The following ZNF670 variants were observed in gnomAD, a reference collection of about 807,000 sequenced individuals.
The protein encoded by ZNF670 is zinc finger protein 670.
ZNF670 carries 7 observed loss-of-function variants against 10.9 expected under a neutral mutation model. That is an observed-to-expected ratio of 0.64 (90% CI 0.36 to 1.20). ZNF670 has a LOEUF of 1.20. Among genes scored for constraint, ZNF670 ranks in the 50% most tolerant of loss-of-function variants. The probability of loss-of-function intolerance (pLI) is 0.02; values close to 1 mark genes in which losing one functional copy is unlikely to be tolerated. For missense variants in ZNF670, 446 were observed against 458.6 expected (o/e 0.97, Z 0.25); for synonymous variants, 136 against 152.7 (o/e 0.89, Z 0.81).
chr1:247,071,534 G>C (rs953990812), intron 1 of ZNF670, among the ~76,000 whole-genome samples: 6 of 152,150 alleles, frequency 3.9e-5, no homozygotes, highest in Non-Finnish European at 7.3e-5. Flanking sequence ...TCACCACCTG[G>C]GTGATAAAAT....
intron 1 of ZNF670, chr1:247,042,796 A>G: frequency 2.1e-6 from 1 of 481,760 alleles, no homozygotes; most frequent in South Asian, 2.4e-5. Context: ...GTTCCATGAA[A>G]ATGTCTGACC....
intron 1 of ZNF670, chr1:247,043,532 G>A: frequency 1.5e-6 from 1 of 672,040 alleles, no homozygotes; most frequent in South Asian, 1.4e-5. Context: ...CCTTGTTCCT[G>A]AAACAATTCA....
At chr1:247,062,769 A>T (rs893630075) in intron 1 of ZNF670, among the ~76,000 whole-genome samples, 4 of 152,216 alleles carry the variant, frequency 2.6e-5, no homozygotes, top group African/African-American at 9.6e-5. Flanking sequence ...ATTTTAGATG[A>T]AGGGTCTATC....
intron 1 of ZNF670, among the ~76,000 whole-genome samples, chr1:247,072,843 T>TACACAC (rs1553323588): frequency 3.5e-5 from 3 of 85,814 alleles, no homozygotes; most frequent in African/African-American, 9.9e-5. Context: ...TATATATGCA[T>TACACAC]ACACACACAT....
rs757707785 is a variant in ZNF670 at position 247,039,504 on chromosome 1, A to C, written c.37T>G (p.Phe13Val). The C allele has an allele frequency of 6.2e-7, 1 of 1,603,296 alleles. No homozygotes were observed. The highest frequency in any genetic ancestry group is 8.5e-7 in the Non-Finnish European group (1 of 1,175,794). The part of the protein sequence containing the change: ...SVSFEDVAVA[F>V]TQEEWALLDP... ...AGCAAAGCCCACTCCTCCTGAGTAA[A>C]GGCCACAGCCACATCTTCAAATGAC... The change falls in exon 2 of 4, where the codon TTT (phenylalanine) becomes GTT (valine). Residue 13 changes from phenylalanine to valine, a missense_variant. By Grantham distance (50) the Phe-to-Val change is conservative. Coordinates refer to ENST00000366503, the MANE Select transcript of ZNF670 (RefSeq NM_033213.5).
intron 1 of ZNF670, among the ~76,000 whole-genome samples, chr1:247,073,743 C>T (rs1167341874): frequency 4.6e-5 from 7 of 152,182 alleles, no homozygotes; most frequent in Non-Finnish European, 1.0e-4. Flanking sequence ...CCCATAAGCT[C>T]ACAGATCAGT....
rs527429552 is a variant in ZNF670 at position 247,053,448 on chromosome 1, A to G, written c.4-13911T>C. On this transcript the variant is annotated intron_variant, in intron 1 of 3. Coordinates refer to ENST00000366503, the MANE Select transcript of ZNF670 (RefSeq NM_033213.5). ...GAGATAAGAGACCATCCTGGCTAAC[A>G]TGGTGAAACCCCATCTTTACTAAAA... Among the ~76,000 whole-genome samples, 212 of 152,328 alleles carry G rather than the reference A, an allele frequency of 1.4e-3. 2 individuals carry two copies. The highest frequency in any genetic ancestry group is 4.8e-3 in the African/African-American group (200 of 41,574).
chr1:247,068,133 C>T (rs1240028933), intron 1 of ZNF670, among the ~76,000 whole-genome samples: 1 of 150,152 alleles, frequency 6.7e-6, no homozygotes, highest in East Asian at 1.9e-4. Flanking sequence ...GCCTGGCCAA[C>T]ATGGTGAAAC....
chr1:247,060,415 G>C (rs185969250), intron 1 of ZNF670, among the ~76,000 whole-genome samples: 1 of 152,140 alleles, frequency 6.6e-6, no homozygotes, highest in Non-Finnish European at 1.5e-5. Flanking sequence ...ACATCCATAC[G>C]CAAGGAAATA....
At position 247,069,096 on chromosome 1, in the gene ZNF670, A is replaced by C. The variant is rs559679704; in HGVS notation, c.3+9498T>G. On this transcript the variant is annotated intron_variant, in intron 1 of 3. Transcript: ENST00000366503. ...TGGCTGACAAAAAAAAAATACTTAGAAAGAATAAAAAAGACATACTATTTG... is the reference window on the plus strand; with the variant it reads ...TGGCTGACAAAAAAAAAATACTTAGCAAGAATAAAAAAGACATACTATTTG... Among the ~76,000 whole-genome samples the C allele has an allele frequency of 5.1e-4, 77 of 151,050 alleles. 3 individuals carry two copies. The highest frequency in any genetic ancestry group is 1.9e-3 in the African/African-American group (75 of 40,374).
intron 1 of ZNF670, among the ~76,000 whole-genome samples, chr1:247,041,415 A>ACCT (rs1281439287): frequency 6.6e-6 from 1 of 152,244 alleles, no homozygotes; most frequent in Non-Finnish European, 1.5e-5. Flanking sequence ...AAAGAAGATG[A>ACCT]AAGACCACCT....
At chr1:247,069,071 T>C (rs776357850) in intron 1 of ZNF670, among the ~76,000 whole-genome samples, 1 of 138,338 alleles carries the variant, frequency 7.2e-6, no homozygotes, top group Non-Finnish European at 1.5e-5. Context: ...AGACAGTTAA[T>C]GGCTGACAAA....
Position 247,036,533 on chromosome 1 carries a change from G to GT in ZNF670, c.*915dup, listed in dbSNP as rs1443013968. Among the ~76,000 whole-genome samples, 2 of 152,128 alleles carry GT rather than the reference G, an allele frequency of 1.3e-5. No individual in the cohort carries two copies. The highest frequency in any genetic ancestry group is 4.8e-5 in the African/African-American group (2 of 41,430). ...TATAATTAGCTGAGCATGGTGGCATGTGTCTGTAGCTCCAGCTACATAGGA... is the reference window on the plus strand; with the variant it reads ...TATAATTAGCTGAGCATGGTGGCATGTTGTCTGTAGCTCCAGCTACATAGGA... On this transcript the variant is annotated 3_prime_UTR_variant, in exon 4 of 4. Coordinates refer to ENST00000366503, the MANE Select transcript of ZNF670 (RefSeq NM_033213.5).
At chr1:247,053,744 AAAAC>A (rs1160027103) in intron 1 of ZNF670, among the ~76,000 whole-genome samples, 1 of 152,242 alleles carries the variant, frequency 6.6e-6, no homozygotes, top group Non-Finnish European at 1.5e-5. Flanking sequence ...ATTTAAAAAC[AAAAC>A]AAACAAACAA....
chr1:247,040,825 A>T (rs1398884073), intron 1 of ZNF670, among the ~76,000 whole-genome samples: 2 of 152,038 alleles, frequency 1.3e-5, no homozygotes, highest in Non-Finnish European at 2.9e-5. Context: ...CCTCCCGAGT[A>T]GCTGAGATTA....
intron 1 of ZNF670, among the ~76,000 whole-genome samples, chr1:247,058,709 TAA>T (rs59634852): frequency 1.1e-4 from 14 of 124,246 alleles, no homozygotes; most frequent in Admixed American, 2.5e-4. Flanking sequence ...TACAGACAGT[TAA>T]AAAAAAAAAA....
intron 1 of ZNF670, among the ~76,000 whole-genome samples, chr1:247,058,033 T>C (rs1159437125): frequency 5.9e-5 from 9 of 152,234 alleles, no homozygotes; most frequent in Non-Finnish European, 1.3e-4. Flanking sequence ...TTTAAAGTTA[T>C]AGATACCCCA....
chr1:247,049,719 CACT>C (rs1670547597), intron 1 of ZNF670, among the ~76,000 whole-genome samples: 1 of 152,180 alleles, frequency 6.6e-6, no homozygotes, highest in Admixed American at 6.5e-5. Flanking sequence ...TAGGTTGTGT[CACT>C]ACTATCATTC....
At chr1:247,041,065 T>C (rs1670296389) in intron 1 of ZNF670, among the ~76,000 whole-genome samples, 1 of 152,226 alleles carries the variant, frequency 6.6e-6, no homozygotes, top group Non-Finnish European at 1.5e-5. Context: ...AAAAGCACTT[T>C]AAAACATACA....
Sources: gnomAD v4.1 joint callset for allele counts (sites outside exome capture counted in the v4.1 genomes callset) on GRCh38, gnomAD v4.1.1 for gene constraint, MANE v1.5 for transcripts, NCBI Gene and HGNC (gene_info 2026-07-23, HGNC 2026-07-21) for gene names.